POR: variants seen among roughly 807,000 people sequenced by gnomAD.
POR encodes the protein cytochrome p450 oxidoreductase.
Under a neutral mutation model 84.0 loss-of-function variants are expected in POR, and 56 were observed. The ratio of observed to expected loss-of-function variants is 0.67; its 90% CI spans 0.54 to 0.83. POR has a LOEUF of 0.83. Among genes scored for constraint, POR ranks in the 40% least tolerant of loss-of-function variants. The pLI, the probability that POR is intolerant of heterozygous loss-of-function variation, is 0.00. For missense variants in POR, 938 were observed against 944.3 expected, an observed-to-expected ratio of 0.99 and a Z score of 0.09; for synonymous variants, 414 against 400.5, an observed-to-expected ratio of 1.03 and a Z score of -0.40.
At chr7:75,936,329 G>A (rs184634475) in intron 1 of POR, among the ~76,000 whole-genome samples, 6 of 150,232 alleles carry the variant, frequency 4.0e-5, no homozygotes, top group African/African-American at 1.5e-4. Context: ...GGCTGGTCTC[G>A]AACCTCTGGC....
intron 1 of POR, among the ~76,000 whole-genome samples, chr7:75,928,921 C>T (rs1554549862): frequency 6.6e-6 from 1 of 152,034 alleles, no homozygotes. Flanking sequence ...AGCATTAAGC[C>T]CTCAGTCTAA....
rs534823541 is a variant in POR at position 75,939,869 on chromosome 7, A to G, written c.-4-14120A>G. Among the ~76,000 whole-genome samples the G allele has an allele frequency of 9.3e-5, 14 of 151,150 alleles. No homozygotes were observed. The South Asian group carries it at 2.7e-3, about 29-fold the overall frequency. On this transcript the variant is annotated intron_variant, in intron 1 of 15. Transcript: ENST00000461988. ...GTGATCCACCCGCCTCAGCCTCCCA[A>G]AGTGTTGGGATTACAGGCGTGAGCC...
Position 75,986,692 on chromosome 7 carries a change from G to A in POR, c.*211G>A. On this transcript the variant is annotated 3_prime_UTR_variant, in exon 16 of 16. Coordinates refer to ENST00000461988, the MANE Select transcript of POR (RefSeq NM_000941.3). ...GGCAGCACAGCCCAGGGCCTGCATGGGGGCACCGGGCTCCATGCCTCTGGA... is the reference window on the plus strand; with the variant it reads ...GGCAGCACAGCCCAGGGCCTGCATGAGGGCACCGGGCTCCATGCCTCTGGA... 1 of 634,662 alleles carries A rather than the reference G, an allele frequency of 1.6e-6. No individual in the cohort carries two copies. The highest frequency in any genetic ancestry group is 2.0e-5 in the South Asian group (1 of 49,942). 39.3% of individuals were successfully genotyped at this position (634,662 alleles called of 1,614,324 possible).
intron 1 of POR, among the ~76,000 whole-genome samples, chr7:75,925,723 T>C (rs1465042409): frequency 6.6e-6 from 1 of 152,166 alleles, no homozygotes; most frequent in Admixed American, 6.6e-5. Flanking sequence ...TAGGCCAGGG[T>C]GGAGGCACTG....
At chr7:75,953,430 AC>A (rs1283933018) in intron 1 of POR, among the ~76,000 whole-genome samples, 2 of 151,900 alleles carry the variant, frequency 1.3e-5, no homozygotes, top group African/African-American at 4.8e-5. Context: ...AACAGGAACT[AC>A]CTTCATAGCC....
chr7:75,982,406 TC>T, intron 8 of POR, 84 bp downstream of exon 8: 2 of 1,143,568 alleles, frequency 1.7e-6, no homozygotes, highest in Non-Finnish European at 2.6e-6. Flanking sequence ...TATCCCCATA[TC>T]CCCACAGGGC....
At chr7:75,985,412 C>G in intron 12 of POR, 167 bp from the exon 13 acceptor site, 1 of 1,133,638 alleles carries the variant, frequency 8.8e-7, no homozygotes, top group East Asian at 2.6e-5. Context: ...CCCCGGTCCC[C>G]AGAACCAGTC....
chr7:75,920,477 G>A (rs1311854901), intron 1 of POR, among the ~76,000 whole-genome samples: 1 of 152,134 alleles, frequency 6.6e-6, no homozygotes, highest in African/African-American at 2.4e-5. Context: ...GGGCATTGTG[G>A]GGCGTGTCCT....
At chr7:75,929,531 G>A (rs985751092) in intron 1 of POR, among the ~76,000 whole-genome samples, 1 of 152,182 alleles carries the variant, frequency 6.6e-6, no homozygotes, top group Non-Finnish European at 1.5e-5. Context: ...TGGGATAACA[G>A]GTGTGAGCCA....
At chr7:75,954,524 T>G (rs1350183429) in intron 2 of POR, among the ~76,000 whole-genome samples, 2 of 151,990 alleles carry the variant, frequency 1.3e-5, no homozygotes, top group African/African-American at 4.8e-5. Context: ...AACCCTTTTT[T>G]CCATTTATTT....
chr7:75,962,917 C>T lies in POR; in HGVS notation c.188+8737C>T, dbSNP rs74706941. Among the ~76,000 whole-genome samples, 420 of 152,310 alleles carry T rather than the reference C, an allele frequency of 2.8e-3. 3 individuals carry two copies. The highest frequency in any genetic ancestry group is 9.4e-3 in the African/African-American group (392 of 41,576). On this transcript the variant is annotated intron_variant, in intron 2 of 15. Transcript: ENST00000461988. ...CCATTCCTAAGCTTCCCTTCCATCC[C>T]GTTTCTTCCTTGAAACATCATTTGT...
intron 1 of POR, among the ~76,000 whole-genome samples, chr7:75,937,380 G>A (rs1303531499): frequency 1.3e-5 from 2 of 149,278 alleles, no homozygotes; most frequent in Non-Finnish European, 3.0e-5. Flanking sequence ...GCTGAGGCAG[G>A]AGAATTGCTT....
At chr7:75,976,875 A>G (rs894635608) in intron 3 of POR, among the ~76,000 whole-genome samples, 2 of 152,114 alleles carry the variant, frequency 1.3e-5, no homozygotes, top group Non-Finnish European at 2.9e-5. Flanking sequence ...TTTGAGACTC[A>G]GTCTCACTCC....
At chr7:75,967,583 A>G (rs1347915152) in intron 2 of POR, among the ~76,000 whole-genome samples, 11 of 151,592 alleles carry the variant, frequency 7.3e-5, no homozygotes, top group African/African-American at 2.7e-4. Flanking sequence ...CAGCCCTGCC[A>G]TAGCAACCTG....
chr7:75,923,560 T>A (rs1217929350), intron 1 of POR: 4 of 365,300 alleles, frequency 1.1e-5, no homozygotes, highest in Non-Finnish European at 2.1e-5. Context: ...TTTCCTGCTT[T>A]ATCTTCAAAA....
chr7:75,963,353 C>T (rs1227501010), intron 2 of POR, among the ~76,000 whole-genome samples: 7 of 152,198 alleles, frequency 4.6e-5, no homozygotes, highest in African/African-American at 1.7e-4. Flanking sequence ...GTGTTTCTGC[C>T]ACTTCTGCAA....
chr7:75,972,749 C>T (rs1292655642), intron 3 of POR: 8 of 506,446 alleles, frequency 1.6e-5, no homozygotes, highest in Non-Finnish European at 2.5e-5. Flanking sequence ...TGGCCCTGGC[C>T]TGTCCAGGAG....
chr7:75,963,243 A>G (rs1788024687), intron 2 of POR, among the ~76,000 whole-genome samples: 1 of 152,158 alleles, frequency 6.6e-6, no homozygotes, highest in African/African-American at 2.4e-5. Flanking sequence ...GAGACTGACA[A>G]AGAGGAAAGC....
At chr7:75,918,622 A>C (rs1384657779) in intron 1 of POR, 2 of 152,094 alleles carry the variant, frequency 1.3e-5, no homozygotes, top group Non-Finnish European at 2.9e-5. Context: ...CGGCCTTAGG[A>C]TATGTGTAGG....
Sources: allele counts gnomAD v4.1 joint callset (sites outside exome capture counted in the v4.1 genomes callset), GRCh38; gene constraint gnomAD v4.1.1; transcripts MANE v1.5; gene names NCBI Gene and HGNC (gene_info 2026-07-23, HGNC 2026-07-21).